Variants in KAZN observed in about 807,000 individuals in gnomAD.
The protein encoded by KAZN is kazrin.
In KAZN, 40 loss-of-function variants were observed where a neutral mutation model predicts 87.4. That is an observed-to-expected ratio of 0.46 (90% CI 0.36 to 0.60). The LOEUF (loss-of-function observed/expected upper bound fraction) is 0.60. Among genes scored for constraint, KAZN ranks in the 20% least tolerant of loss-of-function variants. The probability of loss-of-function intolerance (pLI) is 0.00; values close to 1 mark genes in which losing one functional copy is unlikely to be tolerated. For missense variants in KAZN, 898 were observed against 1,073.9 expected (o/e 0.84, Z 2.29); for synonymous variants, 466 against 458.3 (o/e 1.02, Z -0.22).
chr1:14,906,084 T>C (rs1026069589), intron 1 of KAZN, among the ~76,000 whole-genome samples: 2 of 151,124 alleles, frequency 1.3e-5, no homozygotes, highest in South Asian at 2.1e-4. Flanking sequence ...GGAAAATCAC[T>C]TGAACCCGGT....
At chr1:14,784,322 T>C (rs984659264) in intron 1 of KAZN, among the ~76,000 whole-genome samples, 5 of 152,188 alleles carry the variant, frequency 3.3e-5, no homozygotes, top group Admixed American at 1.3e-4. Context: ...GATGAGTGCT[T>C]GGTTGAATAA....
intron 2 of KAZN, among the ~76,000 whole-genome samples, chr1:14,477,680 A>G (rs1393963392): frequency 6.6e-6 from 1 of 152,044 alleles, no homozygotes; most frequent in East Asian, 1.9e-4. Context: ...ATAGTCACAG[A>G]CCCAGAGTCC....
rs1218695106 is a variant in KAZN, at chr1:14,092,438, CAGT to C, written c.92-87995_92-87993del. 7.3e-5 allele frequency among the ~76,000 whole-genome samples: 11 copies of C among 150,050 alleles called. No individual in the cohort carries two copies. The Admixed American group carries it at 7.3e-4, about 10-fold the overall frequency. On this transcript the variant is annotated intron_variant, in intron 1 of 16. Coordinates refer to the KAZN transcript ENST00000636203. The stretch of plus-strand genomic sequence containing the variant: ...AATATATAATTGGTATAATATATAA[CAGT>C]AATAAATAAATAAATAAATTATATA...
chr1:14,869,339 A>G (rs1220069062), intron 1 of KAZN, among the ~76,000 whole-genome samples: 2 of 152,174 alleles, frequency 1.3e-5, no homozygotes, highest in African/African-American at 4.8e-5. Flanking sequence ...TTCAGGGGTC[A>G]GACTCTGGAC....
chr1:15,020,566 C>T (rs778051560), intron 2 of KAZN, among the ~76,000 whole-genome samples: 18 of 152,130 alleles, frequency 1.2e-4, no homozygotes, highest in Non-Finnish European at 1.8e-4. Flanking sequence ...GCGCGACACT[C>T]GGTCCGTGTG....
chr1:14,838,753 C>T (rs1436348312), intron 1 of KAZN, among the ~76,000 whole-genome samples: 2 of 152,146 alleles, frequency 1.3e-5, no homozygotes, highest in Non-Finnish European at 2.9e-5. Flanking sequence ...TCCTGAGTAC[C>T]TGGAATTACA....
chr1:14,994,424 G>A (rs1282684155), intron 2 of KAZN, among the ~76,000 whole-genome samples: 1 of 152,210 alleles, frequency 6.6e-6, no homozygotes, highest in African/African-American at 2.4e-5. Flanking sequence ...GTGCCATTGT[G>A]TTTCTGTTTT....
chr1:14,117,672 TCCCAGATCTGC>T (rs1402345011), intron 1 of KAZN, among the ~76,000 whole-genome samples: 1 of 152,064 alleles, frequency 6.6e-6, no homozygotes, highest in South Asian at 2.1e-4. Context: ...CAGATCTGAA[TCCCAGATCTGC>T]CAGTTAGAGA....
chr1:14,147,701 CAGG>C (rs1407099068), intron 1 of KAZN, among the ~76,000 whole-genome samples: 1 of 151,626 alleles, frequency 6.6e-6, no homozygotes, highest in African/African-American at 2.4e-5. Flanking sequence ...CAGGCTGAGG[CAGG>C]AGAACCACTT....
At chr1:14,815,266 G>A (rs1646527523) in intron 1 of KAZN, among the ~76,000 whole-genome samples, 1 of 152,136 alleles carries the variant, frequency 6.6e-6, no homozygotes, top group African/African-American at 2.4e-5. Context: ...TCAGTGGAAG[G>A]GAAGTCAGGA....
intron 2 of KAZN, among the ~76,000 whole-genome samples, chr1:14,458,907 T>C (rs1382276176): frequency 6.6e-6 from 1 of 152,172 alleles, no homozygotes; most frequent in African/African-American, 2.4e-5. Context: ...TAGAAATACA[T>C]CTAACTTAAA....
At chr1:14,724,741 G>T (rs77310241) in intron 1 of KAZN, among the ~76,000 whole-genome samples, 2 of 152,204 alleles carry the variant, frequency 1.3e-5, no homozygotes, top group Admixed American at 6.5e-5. Context: ...TCCCTTCTGC[G>T]GGTTGCCCCG....
intron 2 of KAZN, among the ~76,000 whole-genome samples, chr1:14,327,757 C>T (rs906676221): frequency 2.6e-5 from 4 of 152,122 alleles, no homozygotes; most frequent in Non-Finnish European, 5.9e-5. Flanking sequence ...TATCATCAGC[C>T]CCACGGTGTT....
chr1:14,484,361 A>G (rs981329398), intron 2 of KAZN, among the ~76,000 whole-genome samples: 22 of 152,360 alleles, frequency 1.4e-4, no homozygotes, highest in Admixed American at 2.0e-4. Context: ...ACACCACCAA[A>G]AAAAAATATG....
chr1:14,666,928 G>T (rs534315706), intron 1 of KAZN, among the ~76,000 whole-genome samples: 30 of 152,104 alleles, frequency 2.0e-4, no homozygotes, highest in Admixed American at 3.3e-4. Context: ...TAGAGATGGG[G>T]TTTCACTGTG....
At chr1:14,481,218 C>T (rs1174037357) in intron 2 of KAZN, among the ~76,000 whole-genome samples, 1 of 152,122 alleles carries the variant, frequency 6.6e-6, no homozygotes, top group African/African-American at 2.4e-5. Flanking sequence ...TTTTCCTGCC[C>T]ACTCAGTTTT....
chr1:14,305,673 C>CT (rs1435245846), intron 2 of KAZN, among the ~76,000 whole-genome samples: 5 of 147,744 alleles, frequency 3.4e-5, no homozygotes, highest in East Asian at 2.0e-4. Context: ...TTTTTGTTTT[C>CT]TTTTTTTTTA....
chr1:14,492,224 C>G (rs968067542), intron 2 of KAZN, among the ~76,000 whole-genome samples: 2 of 152,112 alleles, frequency 1.3e-5, no homozygotes, highest in Non-Finnish European at 2.9e-5. Context: ...GAATCTGAGT[C>G]TTGGAGAGAA....
chr1:15,088,798 TAGGGGCGGTGA>T (rs879406691), intron 8 of KAZN, among the ~76,000 whole-genome samples: 9 of 152,014 alleles, frequency 5.9e-5, no homozygotes, highest in Admixed American at 5.2e-4. Context: ...CGGTGGTGAA[TAGGGGCGGTGA>T]ATAGCTGTCT....
Sources: gnomAD v4.1 joint callset for allele counts (sites outside exome capture counted in the v4.1 genomes callset) on GRCh38, gnomAD v4.1.1 for gene constraint, MANE v1.5 for transcripts, NCBI Gene and HGNC (gene_info 2026-07-23, HGNC 2026-07-21) for gene names.